The following DYSF variants were observed in gnomAD, a reference collection of about 807,000 sequenced individuals.
DYSF encodes dysferlin, also known as dystrophy-associated fer-1-like 1.
In DYSF, 212 loss-of-function variants were observed where a neutral mutation model predicts 274.9. The ratio of observed to expected loss-of-function variants is 0.77; its 90% confidence interval spans 0.69 to 0.86. The LOEUF is 0.86. DYSF is among the 40% of genes least tolerant of loss of function. The probability of loss-of-function intolerance (pLI) is 0.00; values close to 1 mark genes in which losing one functional copy is unlikely to be tolerated. For synonymous variants in DYSF, 1,091 were observed against 1,078.7 expected (o/e 1.01, Z -0.22); for missense variants, 2,666 against 2,783.2 (o/e 0.96, Z 0.95).
chr2:71,642,302 G>A (rs2094498984), intron 41 of DYSF, among the ~76,000 whole-genome samples: 1 of 152,306 alleles, frequency 6.6e-6, no homozygotes, highest in Middle Eastern at 3.4e-3. Flanking sequence ...GCCAGTATGT[G>A]CAGTTGTGTG....
chr2:71,603,987 A>T (rs550828805), intron 36 of DYSF, among the ~76,000 whole-genome samples: 1 of 152,330 alleles, frequency 6.6e-6, no homozygotes, highest in African/African-American at 2.4e-5. Flanking sequence ...CAGAGCCCGA[A>T]GAGCACCGAG....
intron 5 of DYSF, among the ~76,000 whole-genome samples, chr2:71,512,174 GC>G (rs2086167655): frequency 6.6e-6 from 1 of 152,202 alleles, no homozygotes; most frequent in Non-Finnish European, 1.5e-5. Flanking sequence ...GTGCCTCCAA[GC>G]CCCAGCTGCC....
rs554939103 is a variant in DYSF at position 71,611,421 on chromosome 2, G to A, written c.4060-44G>A. The A allele has an allele frequency of 6.6e-5, 107 of 1,614,108 alleles. 1 individual carries two copies. In the South Asian group the frequency reaches 1.0e-3, roughly 16 times the overall value. On this transcript the variant is annotated intron_variant, in intron 37 of 55. Coordinates refer to ENST00000410020, the MANE Select transcript of DYSF (RefSeq NM_001130987.2). ...CCTTCCTGGCCCCAGCCTTTCCTGG[G>A]GCCCGGGGCCTTCTGAGCCACTCTC...
At chr2:71,673,846 A>G (rs567535035) in intron 51 of DYSF, among the ~76,000 whole-genome samples, 43 of 152,130 alleles carry the variant, frequency 2.8e-4, no homozygotes, top group South Asian at 8.3e-4. Context: ...AGGAAGCACT[A>G]TATTAATGTT....
At chr2:71,457,142 T>G (rs186366603) in intron 1 of DYSF, among the ~76,000 whole-genome samples, 51 of 152,338 alleles carry the variant, frequency 3.3e-4, no homozygotes, top group Non-Finnish European at 6.2e-4. Flanking sequence ...TCTATTTAAC[T>G]GACACCATGC....
At position 71,535,092 on chromosome 2, in the gene DYSF, G is replaced by T; in HGVS notation, c.1449+3G>T. ...AGAACATCACACTGCCTGCCATGGT[G>T]AGCCTCCTGCCCCCAGCAAACCCAA... On this transcript the variant is annotated splice_donor_region_variant and intron_variant, in intron 15 of 55. Coordinates refer to ENST00000410020, the MANE Select transcript of DYSF (RefSeq NM_001130987.2). 6.2e-7 allele frequency: 1 copy of T among 1,614,122 alleles called. No individual in the cohort carries two copies. The highest frequency in any genetic ancestry group is 8.5e-7 in the Non-Finnish European group (1 of 1,180,016).
intron 22 of DYSF, among the ~76,000 whole-genome samples, chr2:71,560,678 C>T (rs1324576661): frequency 1.3e-5 from 2 of 151,876 alleles, no homozygotes; most frequent in Non-Finnish European, 2.9e-5. Context: ...CTGGCGGCGG[C>T]GGTGCCGCTG....
intron 51 of DYSF, among the ~76,000 whole-genome samples, chr2:71,673,589 A>AGGGTG (rs1415840804): frequency 6.6e-6 from 1 of 152,104 alleles, no homozygotes; most frequent in African/African-American, 2.4e-5. Flanking sequence ...CAGCCAGGGT[A>AGGGTG]GGGTGGGGTC....
chr2:71,618,039 GGTGT>G lies in DYSF; in HGVS notation c.4465-2492_4465-2489del, dbSNP rs140078695. ...TGGGGTGTGTGTGTGTGGTAGAGAT[GGTGT>G]GTGTGTGTGTGTGTGGTAGAGATGG... is the stretch of plus-strand genomic sequence containing the variant. On this transcript the variant is annotated intron_variant, in intron 40 of 55. Transcript: ENST00000410020. Among the ~76,000 whole-genome samples, 381 of 50,274 alleles carry G rather than the reference GGTGT, an allele frequency of 7.6e-3. 11 individuals are homozygous for G. Among genetic ancestry groups the G allele is most frequent in the Admixed American group, 0.023 (96 of 4,128 alleles). The allele number at this position is 50,274 out of a possible 152,430, so 33.0% of individuals were successfully genotyped here.
chr2:71,456,327 C>T (rs2081061691), intron 1 of DYSF, among the ~76,000 whole-genome samples: 1 of 152,188 alleles, frequency 6.6e-6, no homozygotes, highest in Non-Finnish European at 1.5e-5. Context: ...CAGTCCCTCC[C>T]CTCCCCCAGC....
At chr2:71,481,057 C>T (rs564209838) in intron 2 of DYSF, 119 bp downstream of exon 2, 8 of 1,025,422 alleles carry the variant, frequency 7.8e-6, no homozygotes, top group African/African-American at 6.3e-5. Context: ...TGGGGAGGGG[C>T]TGGTGGTCCA....
In DYSF at chr2:71,574,297, C is replaced by CGCCGCTGGCGCCGTCGCATGGA; in HGVS notation, c.3332_3353dup (p.Glu1120AlafsTer19). The stretch of plus-strand genomic sequence containing the variant: ...CCGCAAGACAGATGCCTTCCGCCGC[C>CGCCGCTGGCGCCGTCGCATGGA]GCCGCTGGCGCCGTCGCATGGAGCC... On this transcript the variant is annotated frameshift_variant, in exon 30 of 56. Transcript: ENST00000410020. LOFTEE classifies it high-confidence loss of function. 6.2e-7 allele frequency: 1 copy of CGCCGCTGGCGCCGTCGCATGGA among 1,614,076 alleles called. No homozygotes were observed. Among genetic ancestry groups the CGCCGCTGGCGCCGTCGCATGGA allele is most frequent in the Non-Finnish European group, 8.5e-7 (1 of 1,179,992 alleles).
At chr2:71,516,063 C>T in intron 8 of DYSF, 117 bp from the exon 9 acceptor site, 1 of 1,087,650 alleles carries the variant, frequency 9.2e-7, no homozygotes, top group Admixed American at 1.9e-5. Context: ...GCCCAATCCA[C>T]ATTTTCTGAG....
intron 36 of DYSF, chr2:71,610,897 GTGTGTGCACGCATATGC>G: frequency 2.7e-6 from 1 of 368,014 alleles, no homozygotes; most frequent in South Asian, 2.2e-5. Context: ...GGAATAGGCA[GTGTGTGCACGCATATGC>G]TGTGTGCGTA....
intron 1 of DYSF, among the ~76,000 whole-genome samples, chr2:71,478,954 C>T (rs59869380): frequency 0.14 from 21,775 of 151,942 alleles, 2,599 homozygotes; most frequent in East Asian, 0.56. Flanking sequence ...GGGGCCGACC[C>T]CACAGGAGGC....
chr2:71,569,487 A>C (rs2092304465), intron 26 of DYSF, among the ~76,000 whole-genome samples: 1 of 152,196 alleles, frequency 6.6e-6, no homozygotes, highest in Non-Finnish European at 1.5e-5. Context: ...TCAAGCACTC[A>C]AATCTTATGA....
intron 1 of DYSF, among the ~76,000 whole-genome samples, chr2:71,473,636 A>G (rs2082190227): frequency 6.6e-6 from 1 of 152,108 alleles, no homozygotes; most frequent in South Asian, 2.1e-4. Context: ...CCTGCTTCCC[A>G]TTCGCCAAGC....
At chr2:71,495,650 T>C (rs1158366899) in intron 3 of DYSF, among the ~76,000 whole-genome samples, 1 of 152,092 alleles carries the variant, frequency 6.6e-6, no homozygotes, top group East Asian at 1.9e-4. Flanking sequence ...GTCTGAGCCG[T>C]ACCCACTCCT....
At chr2:71,552,974 TCCTCCCGTGAC>T in intron 19 of DYSF, 26 bp from the exon 20 acceptor site, 1 of 1,612,806 alleles carries the variant, frequency 6.2e-7, no homozygotes, top group South Asian at 1.1e-5. Context: ...CTTTCTTTGC[TCCTCCCGTGAC>T]CCTCTGGTCT....
Sources: gnomAD v4.1 joint callset for allele counts (sites outside exome capture counted in the v4.1 genomes callset) on GRCh38, gnomAD v4.1.1 for gene constraint, MANE v1.5 for transcripts, NCBI Gene and HGNC (gene_info 2026-07-23, HGNC 2026-07-21) for gene names.